NBAS: variants seen among roughly 807,000 people sequenced by gnomAD.
NBAS encodes the protein NBAS subunit of NRZ tethering complex, also known as NAG/BC035112 fusion.
Under a neutral mutation model 302.5 loss-of-function variants are expected in NBAS, and 219 were observed. The observed-to-expected ratio is 0.72, with a 90% CI of 0.65 to 0.81. The LOEUF is 0.81. Ranked by LOEUF, NBAS falls within the 30% of genes least tolerant of loss-of-function variation. The pLI, the probability that NBAS is intolerant of heterozygous loss-of-function variation, is 0.00. For synonymous variants in NBAS, 1,118 were observed against 1,021.6 expected (o/e 1.09, Z -1.80); for missense variants, 2,932 against 2,841.6 (o/e 1.03, Z -0.72).
chr2:15,137,904 T>C, the NBAS span, among the ~76,000 whole-genome samples: 8 of 152,118 alleles, frequency 5.3e-5, no homozygotes, highest in Non-Finnish European at 8.8e-5. Flanking sequence ...GCCCACTGAG[T>C]AGCTGGGACT....
At chr2:15,305,185 T>C (rs1485921341) in intron 40 of NBAS, among the ~76,000 whole-genome samples, 2 of 152,106 alleles carry the variant, frequency 1.3e-5, no homozygotes, top group Non-Finnish European at 2.9e-5. Flanking sequence ...AATCCCCAAG[T>C]GTCAAGGGAG....
At chr2:15,305,129 C>T (rs1008818331) in intron 40 of NBAS, among the ~76,000 whole-genome samples, 7 of 152,004 alleles carry the variant, frequency 4.6e-5, no homozygotes, top group African/African-American at 1.2e-4. Flanking sequence ...GATATGATTA[C>T]GCTCTGTGTC....
intron 38 of NBAS, 67 bp from the exon 39 acceptor site, chr2:15,309,314 A>G: frequency 7.5e-7 from 1 of 1,331,094 alleles, no homozygotes; most frequent in Middle Eastern, 1.8e-4. Flanking sequence ...ATTAAATGCC[A>G]TGTTTTCAGC....
the NBAS span, among the ~76,000 whole-genome samples, chr2:14,865,196 G>C: frequency 6.6e-6 from 1 of 152,028 alleles, no homozygotes; most frequent in African/African-American, 2.4e-5. Flanking sequence ...GAGGTGGTGG[G>C]GTGAGTGGGG....
At chr2:15,287,529 G>C (rs1287492773) in intron 41 of NBAS, among the ~76,000 whole-genome samples, 2 of 152,172 alleles carry the variant, frequency 1.3e-5, no homozygotes, top group East Asian at 3.9e-4. Flanking sequence ...CATGGGTAGA[G>C]GCCAGGGATG....
the NBAS span, among the ~76,000 whole-genome samples, chr2:15,074,873 C>T: frequency 2.0e-5 from 3 of 152,296 alleles, no homozygotes; most frequent in East Asian, 1.9e-4. Flanking sequence ...AGATGCTCAA[C>T]TGAACTCAGA....
intron 38 of NBAS, among the ~76,000 whole-genome samples, chr2:15,323,847 C>CA (rs1444312443): frequency 4.9e-5 from 7 of 141,436 alleles, no homozygotes; most frequent in African/African-American, 1.8e-4. Flanking sequence ...AACAAACAAA[C>CA]AAAAAAACAA....
intron 21 of NBAS, among the ~76,000 whole-genome samples, chr2:15,442,606 A>G (rs1678488461): frequency 6.6e-6 from 1 of 152,040 alleles, no homozygotes; most frequent in Non-Finnish European, 1.5e-5. Flanking sequence ...GAAAAGCAAG[A>G]GCAAACACAT....
At chr2:15,162,928 A>C (rs1663929662), downstream of NBAS, among the ~76,000 whole-genome samples, 1 of 152,238 alleles carries the variant, frequency 6.6e-6, no homozygotes, top group Non-Finnish European at 1.5e-5. Flanking sequence ...AGAACAGGGC[A>C]AACTTGCATT....
chr2:14,831,440 T>C, the NBAS span, among the ~76,000 whole-genome samples: 9 of 152,322 alleles, frequency 5.9e-5, 1 homozygote, highest in South Asian at 2.1e-4. Context: ...TATCTTTGAA[T>C]TGTGTTGAAG....
intron 28 of NBAS, chr2:15,393,492 G>A (rs1675707396): frequency 2.9e-6 from 1 of 346,746 alleles, no homozygotes; most frequent in Non-Finnish European, 5.8e-6. Flanking sequence ...TCTCCTACAA[G>A]AGTGGTAGGA....
chr2:15,205,020 A>T (rs1486947413), intron 48 of NBAS, among the ~76,000 whole-genome samples: 1 of 152,064 alleles, frequency 6.6e-6, no homozygotes, highest in African/African-American at 2.4e-5. Flanking sequence ...ATAAAAAATA[A>T]AAAAATTAAA....
At position 15,417,543 on chromosome 2, in the gene NBAS, C is replaced by A; in HGVS notation, c.2747G>T (p.Arg916Ile). ...AAAACCTACACTATTCATCAGTAATCTTAGTTTTTCAATGTCTTTCATCTG... is the reference window on the plus strand; with the variant it reads ...AAAACCTACACTATTCATCAGTAATATTAGTTTTTCAATGTCTTTCATCTG... ...LQQMKDIEKL[R>I]LLMNSCSEDK... The change falls in exon 24 of 52, where the codon AGA becomes ATA. Residue 916 changes from arginine to isoleucine, a missense_variant. Coordinates refer to ENST00000281513, the MANE Select transcript of NBAS (RefSeq NM_015909.4). 1 of 1,613,206 alleles carries A rather than the reference C, an allele frequency of 6.2e-7. No homozygotes were observed. Among genetic ancestry groups the A allele is most frequent in the Non-Finnish European group, 8.5e-7 (1 of 1,179,336 alleles).
chr2:14,960,925 C>G, the NBAS span, among the ~76,000 whole-genome samples: 7 of 152,120 alleles, frequency 4.6e-5, no homozygotes, highest in Non-Finnish European at 8.8e-5. Flanking sequence ...AAGGAAGTTA[C>G]CACCTAGAGG....
At chr2:15,035,933 T>C in the NBAS span, among the ~76,000 whole-genome samples, 2 of 152,122 alleles carry the variant, frequency 1.3e-5, no homozygotes, top group Non-Finnish European at 2.9e-5. Context: ...GGTTAATAGG[T>C]GCAGCAAACC....
At chr2:15,474,369 A>T (rs747506303) in intron 14 of NBAS, 45 bp from the exon 15 acceptor site, 1 of 1,530,746 alleles carries the variant, frequency 6.5e-7, no homozygotes, top group Non-Finnish European at 8.9e-7. Flanking sequence ...AGGAAATAAG[A>T]ATAACTTTTT....
chr2:14,818,030 C>T, the NBAS span, among the ~76,000 whole-genome samples: 21 of 152,234 alleles, frequency 1.4e-4, no homozygotes, highest in Admixed American at 7.2e-4. Context: ...TTCCCACCCA[C>T]GAAGTTCACA....
At chr2:15,244,349 T>C (rs112044505) in intron 44 of NBAS, among the ~76,000 whole-genome samples, 3,390 of 152,000 alleles carry the variant, frequency 0.022, 65 homozygotes, top group Non-Finnish European at 0.031. Context: ...AGGAAGGAAG[T>C]GGGGAGGTCT....
chr2:15,395,406 C>T (rs756812954), intron 27 of NBAS, among the ~76,000 whole-genome samples: 4 of 152,046 alleles, frequency 2.6e-5, no homozygotes, highest in Non-Finnish European at 5.9e-5. Flanking sequence ...ATGGCAGGCA[C>T]AAGCCAACCT....
Sources: gnomAD v4.1 joint callset for allele counts (sites outside exome capture counted in the v4.1 genomes callset) on GRCh38, gnomAD v4.1.1 for gene constraint, MANE v1.5 for transcripts, NCBI Gene and HGNC (gene_info 2026-07-23, HGNC 2026-07-21) for gene names.